The following RCHY1 variants were observed in gnomAD, a reference collection of about 807,000 sequenced individuals.
RCHY1 encodes the protein ring finger and CHY zinc finger domain containing 1.
RCHY1 carries 21 observed loss-of-function variants against 41.6 expected under a neutral mutation model. That is an observed-to-expected ratio of 0.51 (90% CI 0.36 to 0.73). RCHY1 has a LOEUF of 0.73. Ranked by LOEUF, RCHY1 falls within the 30% of genes least tolerant of loss-of-function variation. RCHY1 has a pLI of 0.00. For synonymous variants in RCHY1, 79 were observed against 102.9 expected, an observed-to-expected ratio of 0.77 and a Z score of 1.41; for missense variants, 265 against 325.3, an observed-to-expected ratio of 0.81 and a Z score of 1.43.
At chr4:75,486,269 G>A (rs1287818167) in intron 8 of RCHY1, among the ~76,000 whole-genome samples, 1 of 152,040 alleles carries the variant, frequency 6.6e-6, no homozygotes, top group Non-Finnish European at 1.5e-5. Context: ...ACATTCGGGA[G>A]GGTACATCTG....
chr4:75,511,803 A>G (rs1006873950), intron 1 of RCHY1, among the ~76,000 whole-genome samples: 1 of 151,982 alleles, frequency 6.6e-6, no homozygotes, highest in Non-Finnish European at 1.5e-5. Context: ...TGCGTGTGTC[A>G]ACAGACTGAA....
intron 8 of RCHY1, among the ~76,000 whole-genome samples, chr4:75,489,467 T>C (rs1216422062): frequency 3.9e-5 from 6 of 152,182 alleles, no homozygotes; most frequent in Admixed American, 3.9e-4. Flanking sequence ...ACTGGATAAG[T>C]TGTAAAATAG....
In RCHY1 at chr4:75,479,224, TCA is replaced by T. The variant is rs1156299126; in HGVS notation, c.*3312_*3313del. 5.3e-5 allele frequency: 8 copies of T among 152,184 alleles called. No homozygotes were observed. Among genetic ancestry groups the T allele is most frequent in the African/African-American group, 1.9e-4 (8 of 41,552 alleles). The allele number at this position is 152,184 out of a possible 1,614,324, so 9.4% of individuals were successfully genotyped here. A position where few individuals can be genotyped will look rare whatever the true frequency, so the allele number is the denominator to read the frequency against. On this transcript the variant is annotated 3_prime_UTR_variant, in exon 9 of 9. Coordinates refer to ENST00000324439, the MANE Select transcript of RCHY1 (RefSeq NM_015436.4). ...TACACTGTAAACATATATCAAAACATCACATTGTACTCCATATATATAATATA... is the reference window on the plus strand; with the variant it reads ...TACACTGTAAACATATATCAAAACATCATTGTACTCCATATATATAATATA...
chr4:75,497,408 T>C (rs920630972), intron 3 of RCHY1, among the ~76,000 whole-genome samples: 1 of 152,140 alleles, frequency 6.6e-6, no homozygotes, highest in South Asian at 2.1e-4. Flanking sequence ...TGTGTTTAAA[T>C]AAGGCAAATG....
chr4:75,497,545 G>C (rs1245857309), intron 3 of RCHY1, among the ~76,000 whole-genome samples: 10 of 151,986 alleles, frequency 6.6e-5, no homozygotes. Flanking sequence ...TATCATTTTG[G>C]AGCTACCCAC....
chr4:75,486,173 C>T (rs1721982780), intron 8 of RCHY1, among the ~76,000 whole-genome samples: 2 of 152,072 alleles, frequency 1.3e-5, no homozygotes, highest in Admixed American at 6.6e-5. Flanking sequence ...GTAAGTGGTA[C>T]GTAAATTCAG....
intron 8 of RCHY1, among the ~76,000 whole-genome samples, chr4:75,483,352 A>G (rs1721690853): frequency 1.3e-5 from 2 of 152,180 alleles, no homozygotes; most frequent in African/African-American, 2.4e-5. Flanking sequence ...AAAATTTCCA[A>G]ATTTGCTCTA....
At chr4:75,494,210 G>C (rs376434149) in intron 3 of RCHY1, 31 bp from the exon 4 acceptor site, 101 of 1,437,904 alleles carry the variant, frequency 7.0e-5, no homozygotes, top group Non-Finnish European at 9.5e-5. Context: ...CAAAAGATTA[G>C]ATTATTTTTT....
chr4:75,489,879 A>C (rs897560108), intron 8 of RCHY1, among the ~76,000 whole-genome samples: 9 of 152,140 alleles, frequency 5.9e-5, no homozygotes, highest in African/African-American at 2.2e-4. Flanking sequence ...CTTTGAACTT[A>C]GGTTCATTAT....
intron 8 of RCHY1, 26 bp from the exon 9 acceptor site, chr4:75,482,692 G>GT (rs1255512778): frequency 2.6e-6 from 4 of 1,557,316 alleles, no homozygotes; most frequent in Non-Finnish European, 3.5e-6. Context: ...TTCAAATTAA[G>GT]TATTTTAAAC....
chr4:75,507,624 T>C (rs1211912608), intron 3 of RCHY1, among the ~76,000 whole-genome samples: 2 of 152,036 alleles, frequency 1.3e-5, no homozygotes, highest in Non-Finnish European at 2.9e-5. Flanking sequence ...AATGTAAGTA[T>C]ACAAAAATGT....
At chr4:75,494,312 C>T (rs1396833438) in intron 3 of RCHY1, 133 bp from the exon 4 acceptor site, 1 of 644,338 alleles carries the variant, frequency 1.6e-6, no homozygotes, top group East Asian at 3.1e-5. Flanking sequence ...GGATAAATCC[C>T]TATCTCCCCA....
intron 8 of RCHY1, among the ~76,000 whole-genome samples, chr4:75,486,532 A>G (rs1389368903): frequency 1.4e-4 from 21 of 152,066 alleles, no homozygotes; most frequent in Admixed American, 1.4e-3. Context: ...ATAAATACTG[A>G]TACAAAACAG....
chr4:75,487,538 TAATATATATATTCATAATATATTCATAA>T (rs1209552344), intron 8 of RCHY1, among the ~76,000 whole-genome samples: 1 of 124,832 alleles, frequency 8.0e-6, no homozygotes, highest in African/African-American at 3.2e-5. Context: ...AATATATTCA[TAATATATATATTCATAATATATTCATAA>T]TATATATATT....
chr4:75,484,090 T>G (rs1321498346), intron 8 of RCHY1, among the ~76,000 whole-genome samples: 1 of 152,160 alleles, frequency 6.6e-6, no homozygotes, highest in Admixed American at 6.5e-5. Flanking sequence ...ACAAACTGTT[T>G]CTCAATTAAG....
chr4:75,486,001 A>T (rs1225732499), intron 8 of RCHY1, among the ~76,000 whole-genome samples: 1 of 152,056 alleles, frequency 6.6e-6, no homozygotes, highest in Non-Finnish European at 1.5e-5. Context: ...GCTAGGTGAG[A>T]CCTGGGTACA....
In RCHY1 at chr4:75,509,217, A is replaced by C. The variant is rs991562212; in HGVS notation, c.170T>G (p.Val57Gly). The C allele has an allele frequency of 6.8e-6, 11 of 1,613,084 alleles. No homozygotes were observed. The highest frequency in any genetic ancestry group is 8.5e-6 in the Non-Finnish European group (10 of 1,179,490). The change falls in exon 2 of 9, where the codon GTG becomes GGG. Residue 57 changes from valine (V) to glycine (G), a missense_variant. Transcript: ENST00000324439. The stretch of plus-strand genomic sequence containing the variant: ...ACAGTTTATGCACTGCACTTCCTTC[A>C]CTTTAAAGCGATCTAGTTGATGATC... ...NEDHQLDRFK[V>G]KEVQCINCEK...
chr4:75,487,149 T>C (rs1213243128), intron 8 of RCHY1, among the ~76,000 whole-genome samples: 1 of 152,118 alleles, frequency 6.6e-6, no homozygotes, highest in Non-Finnish European at 1.5e-5. Flanking sequence ...ACAGATTGGA[T>C]GGATTTGTTT....
chr4:75,508,099 A>C (rs1023642720), intron 3 of RCHY1, among the ~76,000 whole-genome samples: 14 of 149,786 alleles, frequency 9.3e-5, no homozygotes, highest in African/African-American at 2.8e-4. Flanking sequence ...TAAAAAAACA[A>C]AAAAAACAAA....
Sources: gnomAD v4.1 joint callset for allele counts (sites outside exome capture counted in the v4.1 genomes callset) on GRCh38, gnomAD v4.1.1 for gene constraint, MANE v1.5 for transcripts, NCBI Gene and HGNC (gene_info 2026-07-23, HGNC 2026-07-21) for gene names.